KLF1: variants seen among roughly 807,000 people sequenced by gnomAD.
KLF1 encodes KLF transcription factor 1.
In KLF1, 29 loss-of-function variants were observed where a neutral mutation model predicts 28.0. The ratio of observed to expected loss-of-function variants is 1.04; its 90% CI spans 0.77 to 1.41. The LOEUF (loss-of-function observed/expected upper bound fraction) is 1.41. Among genes scored for constraint, KLF1 ranks in the 40% most tolerant of loss-of-function variants. KLF1 has a pLI of 0.00. For missense variants in KLF1, 508 were observed against 515.1 expected (o/e 0.99, Z 0.13); for synonymous variants, 262 against 242.6 (o/e 1.08, Z -0.74).
In KLF1 at chr19:12,887,192, C is replaced by G; in HGVS notation, c.-52G>C. Reference sequence around the variant, plus strand: ...CAAGCCTCCTCTTCCTCGGCTGCCTCGTGAACTCTGAGGCTGTGATAGCCC... The same window carrying G: ...CAAGCCTCCTCTTCCTCGGCTGCCTGGTGAACTCTGAGGCTGTGATAGCCC... On this transcript the variant is annotated 5_prime_UTR_variant, in exon 1 of 3. Coordinates refer to ENST00000264834, the MANE Select transcript of KLF1 (RefSeq NM_006563.5). The surrounding 1 kb of genome is among the most constrained non-coding windows in gnomAD (Gnocchi z 4.7). The G allele has an allele frequency of 6.3e-7, 1 of 1,590,704 alleles. No individual in the cohort carries two copies. The highest frequency in any genetic ancestry group is 1.1e-5 in the South Asian group (1 of 90,400).
Position 12,885,556 on chromosome 19 carries a change from G to A in KLF1, c.674C>T (p.Pro225Leu), listed in dbSNP as rs1167958304. ...GGGGGACGTGGCGGGACCGGGCGCG[G>A]GTCCCTGGAGCCCGCGGAAGAGCTG... is the stretch of plus-strand genomic sequence containing the variant. ...HFQLFRGLQGPAPGPATSPSF... is the reference protein window; with the variant it reads ...HFQLFRGLQGLAPGPATSPSF... The change falls in exon 2 of 3, where the codon CCC (proline) becomes CTC (leucine). Residue 225 changes from proline (P) to leucine (L), a missense_variant. Pro to Leu is a moderately conservative substitution (Grantham distance 98). Transcript: ENST00000264834. This position sits in a 1 kb window ranked among gnomAD's most constrained non-coding sequence, Gnocchi z 5.6. 2.6e-6 allele frequency: 4 copies of A among 1,568,136 alleles called. No homozygotes were observed. The African/African-American group carries it at 4.1e-5, about 16-fold the overall frequency.
Position 12,885,916 on chromosome 19 carries a change from T to TG in KLF1, c.313dup (p.Gln105ProfsTer248). ...CAGAGTCTCGGGCGGCGGCGGATATTGCGCCCCGGAGGCCTCGCTGGGCGC... is the reference window on the plus strand; with the variant it reads ...CAGAGTCTCGGGCGGCGGCGGATATTGGCGCCCCGGAGGCCTCGCTGGGCGC... On this transcript the variant is annotated frameshift_variant, in exon 2 of 3. Coordinates refer to ENST00000264834, the MANE Select transcript of KLF1 (RefSeq NM_006563.5). LOFTEE classifies it high-confidence loss of function. This position sits in a 1 kb window ranked among gnomAD's most constrained non-coding sequence, Gnocchi z 5.6. 6.4e-7 allele frequency: 1 copy of TG among 1,551,990 alleles called. No individual in the cohort carries two copies. The highest frequency in any genetic ancestry group is 1.2e-5 in the South Asian group (1 of 84,368).
rs773618515 is a variant in KLF1 at position 12,885,481 on chromosome 19, C to G, written c.749G>C (p.Gly250Ala). Residue 250 changes from glycine to alanine, a missense_variant, in exon 2 of 3, where the codon GGG (glycine) becomes GCG (alanine). Physicochemically the swap from Gly to Ala is moderately conservative, Grantham distance 60. Coordinates refer to ENST00000264834, the MANE Select transcript of KLF1 (RefSeq NM_006563.5). The surrounding 1 kb of genome is among the most constrained non-coding windows in gnomAD (Gnocchi z 5.6). ...TATCACACCTGGATCCTCTGCAGTC[C>G]CCCCGAGTCCAGTGCCCACCGTCCC... is the stretch of plus-strand genomic sequence containing the variant. ...GPGTVGTGLG[G>A]TAEDPGVIAE... is the part of the protein sequence containing the mutation. The G allele has an allele frequency of 1.9e-5, 31 of 1,602,396 alleles. No individual in the cohort carries two copies. In the Middle Eastern group the frequency reaches 9.9e-4, roughly 51 times the overall value.
intron 1 of KLF1, 129 bp downstream of exon 1, chr19:12,886,925 G>C: frequency 1.0e-6 from 1 of 959,106 alleles, no homozygotes; most frequent in East Asian, 2.5e-5. Flanking sequence ...TCCTCTCCTG[G>C]ACTGAGCGTA....
In KLF1 at chr19:12,885,772, A is replaced by C. The variant is rs1290568075; in HGVS notation, c.458T>G (p.Leu153Arg). The change falls in exon 2 of 3, where the codon CTG becomes CGG. Residue 153 changes from leucine to arginine, a missense_variant. By Grantham distance (102) the Leu-to-Arg change is moderately radical. Transcript: ENST00000264834. This position sits in a 1 kb window ranked among gnomAD's most constrained non-coding sequence, Gnocchi z 5.6. ...GGGCTCGGGGGCCGGGGCTGGAGCC[A>C]GGGCTGGGCCCACGAAGGCGTCGGG... is the stretch of plus-strand genomic sequence containing the variant. ...RAPDAFVGPALAPAPAPEPKA... is the reference protein window; with the variant it reads ...RAPDAFVGPARAPAPAPEPKA... 6.5e-6 allele frequency: 10 copies of C among 1,533,288 alleles called. No homozygotes were observed. The highest frequency in any genetic ancestry group is 8.8e-6 in the Non-Finnish European group (10 of 1,141,046). 95.0% of individuals were successfully genotyped at this position (1,533,288 alleles called of 1,614,324 possible).
Position 12,885,220 on chromosome 19 carries a change from C to T in KLF1, c.913+97G>A. ...TTAAGGAGGCACTCACTCTCAGAGG[C>T]CAGCCAAGTCCAAGTCCCGCCCTCT... On this transcript the variant is annotated intron_variant, in intron 2 of 2. Transcript: ENST00000264834. The surrounding 1 kb of genome is among the most constrained non-coding windows in gnomAD (Gnocchi z 5.6). 7.4e-7 allele frequency: 1 copy of T among 1,354,604 alleles called. No homozygotes were observed. Among genetic ancestry groups the T allele is most frequent in the South Asian group, 1.3e-5 (1 of 78,052 alleles). 83.9% of individuals were successfully genotyped at this position (1,354,604 alleles called of 1,614,324 possible).
At position 12,887,020 on chromosome 19, in the gene KLF1, C is replaced by G; in HGVS notation, c.87+34G>C. On this transcript the variant is annotated intron_variant, in intron 1 of 2. Transcript: ENST00000264834. This position sits in a 1 kb window ranked among gnomAD's most constrained non-coding sequence, Gnocchi z 4.7. ...CTGTGACTGTGGCCCTGGATTCCAG[C>G]CAGCCCACCTAGACCCCACCTTCTA... 1 of 1,607,848 alleles carries G rather than the reference C, an allele frequency of 6.2e-7. No homozygotes were observed.
In KLF1 at chr19:12,885,107, C is replaced by T. The variant is rs747938447; in HGVS notation, c.914-47G>A. ...AGCGCCACTGTCTGCCCAGTCATGTCCCCGGGTCCCCTGCATCTGGCCACA... is the reference window on the plus strand; with the variant it reads ...AGCGCCACTGTCTGCCCAGTCATGTTCCCGGGTCCCCTGCATCTGGCCACA... On this transcript the variant is annotated intron_variant, in intron 2 of 2. Coordinates refer to ENST00000264834, the MANE Select transcript of KLF1 (RefSeq NM_006563.5). This position sits in a 1 kb window ranked among gnomAD's most constrained non-coding sequence, Gnocchi z 5.6. 16 of 1,587,982 alleles carry T rather than the reference C, an allele frequency of 1.0e-5. No homozygotes were observed. Among genetic ancestry groups the T allele is most frequent in the Non-Finnish European group, 1.3e-5 (15 of 1,170,160 alleles).
rs558942739 is a variant in KLF1, at chr19:12,885,421, G to T, written c.809C>A (p.Ser270Ter). The change falls in exon 2 of 3, where the codon TCG becomes TAG. Residue 270 changes from serine to a stop codon, truncating the protein, a stop_gained. Transcript: ENST00000264834. LOFTEE classifies it high-confidence loss of function. The surrounding 1 kb of genome is among the most constrained non-coding windows in gnomAD (Gnocchi z 5.6). ...ETAPSKRGRR[S>*]WARKRQAAHT... ...CGCTGCCTGCCTCTTGCGCGCCCAC[G>T]AACGTCGGCCTCGCTTGGATGGCGC... The T allele has an allele frequency of 1.2e-6, 2 of 1,606,066 alleles. No individual in the cohort carries two copies. The highest frequency in any genetic ancestry group is 1.1e-5 in the South Asian group (1 of 89,890).
chr19:12,884,909 GGC>G lies in KLF1; in HGVS notation c.1063_1064del (p.Ala355LeufsTer18). On this transcript the variant is annotated frameshift_variant, in exon 3 of 3. Coordinates refer to ENST00000264834, the MANE Select transcript of KLF1 (RefSeq NM_006563.5). LOFTEE classifies it high-confidence loss of function. Reference sequence around the variant, plus strand: ...CTCAAAGGTGGCGCTTCATGTGCAAGGCCAGGTGGTCAGAGCGCGAAAAAGCA... The same window carrying G: ...CTCAAAGGTGGCGCTTCATGTGCAAGCAGGTGGTCAGAGCGCGAAAAAGCA... The part of the protein sequence containing the change: ...PRAFSRSDHL[A>X]LHMKRHL 1 of 1,613,982 alleles carries G rather than the reference GGC, an allele frequency of 6.2e-7. No individual in the cohort carries two copies. Among genetic ancestry groups the G allele is most frequent in the East Asian group, 2.2e-5 (1 of 44,880 alleles).
chr19:12,886,314 C>T (rs566032263), intron 1 of KLF1, among the ~76,000 whole-genome samples, 172 bp from the exon 2 acceptor site: 1 of 152,304 alleles, frequency 6.6e-6, no homozygotes, highest in South Asian at 2.1e-4. Flanking sequence ...CCCCGCTCCC[C>T]CCCCAGCTCC....
rs766871440 is a variant in KLF1 at position 12,886,109 on chromosome 19, G to A, written c.121C>T (p.Pro41Ser). The A allele has an allele frequency of 3.1e-6, 5 of 1,605,544 alleles. No homozygotes were observed. The highest frequency in any genetic ancestry group is 4.2e-6 in the Non-Finnish European group (5 of 1,178,472). The change falls in exon 2 of 3, where the codon CCG becomes TCG. Residue 41 changes from proline (P) to serine (S), a missense_variant. Transcript: ENST00000264834. Reference protein sequence around the residue: ...WRSEEAQDMGPGPPDPTEPPL... With the variant: ...WRSEEAQDMGSGPPDPTEPPL... ...GGCTCCGTGGGGTCAGGAGGACCCG[G>A]GCCCATGTCCTGCGCCTCTTCGGAG...
chr19:12,885,390 C>T lies in KLF1; in HGVS notation c.840G>A (p.Thr280=). The change falls in exon 2 of 3, where the codon ACG becomes ACA. Residue 280 remains threonine, a synonymous_variant. Coordinates refer to ENST00000264834, the MANE Select transcript of KLF1 (RefSeq NM_006563.5). This position sits in a 1 kb window ranked among gnomAD's most constrained non-coding sequence, Gnocchi z 5.6. ...TCTTGCCGCAACCCGGGTGCGCGCA[C>T]GTGTGCGCTGCCTGCCTCTTGCGCG... ...SWARKRQAAH[T]CAHPGCGKSY... 1 of 1,606,118 alleles carries T rather than the reference C, an allele frequency of 6.2e-7. No individual in the cohort carries two copies. Among genetic ancestry groups the T allele is most frequent in the South Asian group, 1.1e-5 (1 of 89,924 alleles).
Position 12,885,847 on chromosome 19 carries a change from C to G in KLF1, c.383G>C (p.Gly128Ala). ...GGPGLVAGLL[G>A]SEDHSGWVRP... is the part of the protein sequence containing the mutation. ...CACCCAACCCGAGTGATCCTCCGAACCCAAAAGCCCAGCCACCAGCCCCGG... is the reference window on the plus strand; with the variant it reads ...CACCCAACCCGAGTGATCCTCCGAAGCCAAAAGCCCAGCCACCAGCCCCGG... The change falls in exon 2 of 3, where the codon GGT (glycine) becomes GCT (alanine). Residue 128 changes from glycine to alanine, a missense_variant. Transcript: ENST00000264834. The surrounding 1 kb of genome is among the most constrained non-coding windows in gnomAD (Gnocchi z 5.6). 6.4e-7 allele frequency: 1 copy of G among 1,551,442 alleles called. No homozygotes were observed. The highest frequency in any genetic ancestry group is 8.7e-7 in the Non-Finnish European group (1 of 1,147,754).
chr19:12,884,830 C>G lies in KLF1; in HGVS notation c.*55G>C. Reference sequence around the variant, plus strand: ...GCGTCCGTGTGAAGAGACCACCAAACAGGCTTCTTGTCCCATCCCCAGTCA... The same window carrying G: ...GCGTCCGTGTGAAGAGACCACCAAAGAGGCTTCTTGTCCCATCCCCAGTCA... On this transcript the variant is annotated 3_prime_UTR_variant, in exon 3 of 3. Transcript: ENST00000264834. 1.3e-6 allele frequency: 2 copies of G among 1,594,096 alleles called. No homozygotes were observed.
intron 1 of KLF1, among the ~76,000 whole-genome samples, chr19:12,886,830 G>C (rs1339150706): frequency 6.6e-6 from 1 of 151,920 alleles, no homozygotes; most frequent in Admixed American, 6.6e-5. Flanking sequence ...GGCTACCTTC[G>C]TTTTCTATTA....
rs1970422199 is a variant in KLF1 at position 12,885,121 on chromosome 19, C to T, written c.914-61G>A. On this transcript the variant is annotated intron_variant, in intron 2 of 2. Coordinates refer to ENST00000264834, the MANE Select transcript of KLF1 (RefSeq NM_006563.5). This position sits in a 1 kb window ranked among gnomAD's most constrained non-coding sequence, Gnocchi z 5.6. ...CCCAGTCATGTCCCCGGGTCCCCTG[C>T]ATCTGGCCACACCCCTTTACTCAGC... 1.3e-6 allele frequency: 2 copies of T among 1,562,442 alleles called. No individual in the cohort carries two copies. The highest frequency in any genetic ancestry group is 1.3e-5 in the African/African-American group (1 of 74,076).
At chr19:12,886,309 C>G (rs532618347) in intron 1 of KLF1, among the ~76,000 whole-genome samples, 167 bp from the exon 2 acceptor site, 16 of 151,486 alleles carry the variant, frequency 1.1e-4, no homozygotes, top group South Asian at 4.2e-4. Flanking sequence ...CCTCTCCCCG[C>G]TCCCCCCCCA....
intron 1 of KLF1, among the ~76,000 whole-genome samples, chr19:12,886,380 T>A (rs1970449916): frequency 6.6e-6 from 1 of 152,030 alleles, no homozygotes; most frequent in South Asian, 2.1e-4. Flanking sequence ...TTCCACTATC[T>A]GGAACCACAC....
Sources: allele counts gnomAD v4.1 joint callset (sites outside exome capture counted in the v4.1 genomes callset), GRCh38; gene constraint gnomAD v4.1.1; non-coding constraint Gnocchi (gnomAD v3.1); transcripts MANE v1.5; gene names NCBI Gene and HGNC (gene_info 2026-07-23, HGNC 2026-07-21).